Variants in ZNF839 observed in about 807,000 individuals in gnomAD.
The protein encoded by ZNF839 is renal carcinoma antigen NY-REN-50.
Under a neutral mutation model 56.4 loss-of-function variants are expected in ZNF839, and 38 were observed. The ratio of observed to expected loss-of-function variants is 0.67; its 90% CI spans 0.52 to 0.88. The LOEUF is 0.88. Ranked by LOEUF, ZNF839 falls within the 40% of genes least tolerant of loss-of-function variation. ZNF839 has a pLI of 0.00. For missense variants in ZNF839, 1,091 were observed against 1,177.6 expected (o/e 0.93, Z 1.08); for synonymous variants, 486 against 493.5 (o/e 0.98, Z 0.20).
Position 102,324,686 on chromosome 14 carries a change from AAAAC to A in ZNF839, c.289-1287_289-1284del, listed in dbSNP as rs749781605. On this transcript the variant is annotated intron_variant, in intron 1 of 7. Coordinates refer to ENST00000442396, the MANE Select transcript of ZNF839 (RefSeq NM_018335.6). ...CGACAGAACGAGACTCCATCTCAAA[AAAAC>A]AAACAAACAAAAAGCCAGCCGGGTG... Among the ~76,000 whole-genome samples the A allele has an allele frequency of 4.2e-3, 636 of 152,080 alleles. 6 individuals carry two copies. Among genetic ancestry groups the A allele is most frequent in the African/African-American group, 0.013 (542 of 41,500 alleles).
upstream of ZNF839, among the ~76,000 whole-genome samples, chr14:102,319,091 G>T (rs563114108): frequency 5.3e-4 from 81 of 152,350 alleles, no homozygotes; most frequent in Middle Eastern, 0.01. This position sits in a 1 kb window ranked among gnomAD's most constrained non-coding sequence, Gnocchi z 4.5. Context: ...GAGCTGGATG[G>T]ATAGAGAGAG....
chr14:102,333,892 C>G (rs1045499491), intron 3 of ZNF839, among the ~76,000 whole-genome samples: 1 of 152,198 alleles, frequency 6.6e-6, no homozygotes, highest in Non-Finnish European at 1.5e-5. Flanking sequence ...GAACCCAGAG[C>G]CATTCTTGAC....
rs61135093 is a variant in ZNF839 at position 102,329,787 on chromosome 14, AC to A, written c.1192-1833del. ...AAGATCATATCTGCAAATAGAGATAACCTTTTTTTTTTTTTTTTTTTTTTGA... is the reference window on the plus strand; with the variant it reads ...AAGATCATATCTGCAAATAGAGATAACTTTTTTTTTTTTTTTTTTTTTTGA... On this transcript the variant is annotated intron_variant, in intron 2 of 7. Coordinates refer to ENST00000442396, the MANE Select transcript of ZNF839 (RefSeq NM_018335.6). 3.5e-3 allele frequency among the ~76,000 whole-genome samples: 468 copies of A among 132,776 alleles called. 3 individuals carry two copies. Among genetic ancestry groups the A allele is most frequent in the African/African-American group, 0.013 (442 of 33,508 alleles). The allele number at this position is 132,776 out of a possible 152,430, so 87.1% of individuals were successfully genotyped here. A position where few individuals can be genotyped will look rare whatever the true frequency, so the allele number is the denominator to read the frequency against.
chr14:102,331,023 C>A (rs2073753436), intron 2 of ZNF839, among the ~76,000 whole-genome samples: 1 of 152,082 alleles, frequency 6.6e-6, no homozygotes, highest in South Asian at 2.1e-4. Context: ...GGTACAGTTT[C>A]TTTCTGAGCT....
chr14:102,328,370 AAAAAAATATATATAT>A (rs1302047927), intron 2 of ZNF839, among the ~76,000 whole-genome samples: 10 of 49,216 alleles, frequency 2.0e-4, no homozygotes, highest in African/African-American at 4.8e-4. Flanking sequence ...AAAAAAAAAA[AAAAAAATATATATAT>A]ATATATATAT....
In ZNF839 at chr14:102,342,032, T is replaced by C. The variant is rs761105249; in HGVS notation, c.2637T>C (p.His879=). ...AMAFEISNGS[H]ELLSQGQKQI... ...CTTTTGAAATTTCCAATGGGAGCCA[T>C]GAGTTACTGTCTCAGGGACAGAAGC... Residue 879 remains histidine (H), a synonymous_variant, in exon 8 of 8, where the codon CAT becomes CAC. Coordinates refer to ENST00000442396, the MANE Select transcript of ZNF839 (RefSeq NM_018335.6). The C allele has an allele frequency of 3.8e-5, 62 of 1,613,892 alleles. No individual in the cohort carries two copies. The highest frequency in any genetic ancestry group is 5.1e-5 in the Non-Finnish European group (60 of 1,179,882).
chr14:102,335,056 C>T (rs1395520524), intron 4 of ZNF839: 1 of 154,158 alleles, frequency 6.5e-6, no homozygotes, highest in Non-Finnish European at 1.4e-5. Context: ...CCGTGCCCAG[C>T]TCATAGTTGT....
chr14:102,321,743 T>C (rs951909423), intron 1 of ZNF839, among the ~76,000 whole-genome samples: 1 of 152,102 alleles, frequency 6.6e-6, no homozygotes, highest in African/African-American at 2.4e-5. Flanking sequence ...GAAAGGGAGA[T>C]TGTTCCTGGC....
In ZNF839 at chr14:102,332,120, G is replaced by A. The variant is rs954814662; in HGVS notation, c.1416+274G>A. Among the ~76,000 whole-genome samples the A allele has an allele frequency of 6.6e-5, 10 of 152,066 alleles. No individual in the cohort carries two copies. The highest frequency in any genetic ancestry group is 1.9e-4 in the African/African-American group (8 of 41,402). On this transcript the variant is annotated intron_variant, in intron 3 of 7. Transcript: ENST00000442396. This position sits in a 1 kb window ranked among gnomAD's most constrained non-coding sequence, Gnocchi z 4.9. ...ATATGGAAGCAGTTTAGAAAACAAC[G>A]GAAGTGGTTTTCAAAACCATTCTTT...
chr14:102,324,305 G>A (rs1460459870), intron 1 of ZNF839, among the ~76,000 whole-genome samples: 1 of 152,198 alleles, frequency 6.6e-6, no homozygotes, highest in Non-Finnish European at 1.5e-5. Context: ...AGCACTTTGG[G>A]AGGCTGAGGC....
At position 102,332,865 on chromosome 14, in the gene ZNF839, G is replaced by T. The variant is rs551801471; in HGVS notation, c.1416+1019G>T. On this transcript the variant is annotated intron_variant, in intron 3 of 7. Coordinates refer to ENST00000442396, the MANE Select transcript of ZNF839 (RefSeq NM_018335.6). This position sits in a 1 kb window ranked among gnomAD's most constrained non-coding sequence, Gnocchi z 4.9. Reference sequence around the variant, plus strand: ...GCGGAGGTTGCAGTGAGCCAAGATCGTGCCATTGCACTCCAGCCTGGGGGA... The same window carrying T: ...GCGGAGGTTGCAGTGAGCCAAGATCTTGCCATTGCACTCCAGCCTGGGGGA... Among the ~76,000 whole-genome samples the T allele has an allele frequency of 6.6e-6, 1 of 152,194 alleles. No homozygotes were observed. The highest frequency in any genetic ancestry group is 1.5e-5 in the Non-Finnish European group (1 of 68,030).
rs1185471346 is a variant in ZNF839, at chr14:102,326,053, A to G, written c.357A>G (p.Leu119=). ...ETKGQERPML[L]PTTIQPQTAR... ...AAGGTCAGGAAAGGCCAATGCTCCT[A>G]CCGACCACAATCCAGCCCCAAACTG... Residue 119 remains leucine (L), a synonymous_variant, in exon 2 of 8, where the codon CTA becomes CTG. Transcript: ENST00000442396. This position sits in a 1 kb window ranked among gnomAD's most constrained non-coding sequence, Gnocchi z 4.3. 4 of 1,613,708 alleles carry G rather than the reference A, an allele frequency of 2.5e-6. No individual in the cohort carries two copies. The Admixed American group carries it at 6.7e-5, about 27-fold the overall frequency.
intron 5 of ZNF839, among the ~76,000 whole-genome samples, 155 bp downstream of exon 5, chr14:102,335,993 A>C (rs530546759): frequency 1.2e-4 from 19 of 152,344 alleles, no homozygotes; most frequent in Admixed American, 7.2e-4. Context: ...AGCCTGGCCA[A>C]CATGACAAAA....
chr14:102,319,621 A>C (rs1209906851), upstream of ZNF839: 3 of 1,154,224 alleles, frequency 2.6e-6, no homozygotes, highest in East Asian at 1.0e-4. The surrounding 1 kb of genome is among the most constrained non-coding windows in gnomAD (Gnocchi z 4.5). Context: ...GGGGCGGGGC[A>C]CTCCACGACT....
At chr14:102,331,987 T>G in intron 3 of ZNF839, 141 bp downstream of exon 3, 1 of 712,718 alleles carries the variant, frequency 1.4e-6, no homozygotes, top group East Asian at 2.7e-5. Context: ...GACAGTAATA[T>G]CTGAACTAAT....
At chr14:102,334,512 C>A in intron 3 of ZNF839, 42 bp from the exon 4 acceptor site, 1 of 1,461,584 alleles carries the variant, frequency 6.8e-7, no homozygotes, top group South Asian at 1.2e-5. Context: ...TTGGGAAATT[C>A]TTACGGGACA....
In ZNF839 at chr14:102,341,504, G is replaced by A. The variant is rs375836612; in HGVS notation, c.2109G>A (p.Leu703=). 18 of 1,599,424 alleles carry A rather than the reference G, an allele frequency of 1.1e-5. No individual in the cohort carries two copies. Among genetic ancestry groups the A allele is most frequent in the African/African-American group, 1.3e-5 (1 of 74,568 alleles). The change falls in exon 8 of 8, where the codon CTG becomes CTA. Residue 703 remains leucine, a synonymous_variant. Coordinates refer to ENST00000442396, the MANE Select transcript of ZNF839 (RefSeq NM_018335.6). ...AALSSRDVSG[L]PVYAQSGEPR... is the part of the protein sequence containing the mutation. ...TCTCATCCCGGGATGTCAGTGGGCT[G>A]CCTGTTTATGCTCAGTCAGGAGAGC...
At chr14:102,335,070 G>A (rs891800823) in intron 4 of ZNF839, 7 of 153,782 alleles carry the variant, frequency 4.6e-5, no homozygotes, top group African/African-American at 1.7e-4. Flanking sequence ...TAGTTGTTTT[G>A]GAAAGAGCCA....
intron 1 of ZNF839, among the ~76,000 whole-genome samples, chr14:102,325,560 C>T (rs1439460110): frequency 1.3e-5 from 2 of 151,674 alleles, no homozygotes; most frequent in South Asian, 2.1e-4. Context: ...TGCAGTGGTG[C>T]GATCTCAGCT....
Sources: allele counts gnomAD v4.1 joint callset (sites outside exome capture counted in the v4.1 genomes callset), GRCh38; gene constraint gnomAD v4.1.1; non-coding constraint Gnocchi (gnomAD v3.1); transcripts MANE v1.5; gene names NCBI Gene and HGNC (gene_info 2026-07-23, HGNC 2026-07-21).